Variants in GALNT17 observed in about 807,000 individuals in gnomAD.
GALNT17 encodes the protein UDP-GalNAc:polypeptide N-acetylgalactosaminyltransferase-like 3.
In GALNT17, 29 loss-of-function variants were observed where a neutral mutation model predicts 63.7. The ratio of observed to expected loss-of-function variants is 0.46; its 90% CI spans 0.34 to 0.62. GALNT17 has a LOEUF of 0.62. Ranked by LOEUF, GALNT17 falls within the 20% of genes least tolerant of loss-of-function variation. The probability of loss-of-function intolerance (pLI) is 0.01; values close to 1 mark genes in which losing one functional copy is unlikely to be tolerated. For synonymous variants in GALNT17, 305 were observed against 318.3 expected, an observed-to-expected ratio of 0.96 and a Z score of 0.45; for missense variants, 603 against 799.6, an observed-to-expected ratio of 0.75 and a Z score of 2.97.
intron 3 of GALNT17, among the ~76,000 whole-genome samples, chr7:71,413,291 C>T (rs930294828): frequency 3.9e-5 from 6 of 152,156 alleles, no homozygotes; most frequent in African/African-American, 7.2e-5. Context: ...ACTCTTCCTC[C>T]GTGACCATTT....
At chr7:71,195,899 A>C (rs1034503604) in intron 1 of GALNT17, among the ~76,000 whole-genome samples, 1 of 151,900 alleles carries the variant, frequency 6.6e-6, no homozygotes, top group African/African-American at 2.4e-5. Flanking sequence ...CTATAAGCCA[A>C]TGTTTCTTGA....
intron 5 of GALNT17, among the ~76,000 whole-genome samples, chr7:71,514,880 G>C (rs576409887): frequency 6.6e-6 from 1 of 152,164 alleles, no homozygotes; most frequent in South Asian, 2.1e-4. Flanking sequence ...TAATTCCCAC[G>C]TGTTGTGGGA....
intron 1 of GALNT17, 67 bp from the exon 2 acceptor site, chr7:71,335,483 G>T: frequency 1.4e-6 from 2 of 1,406,772 alleles, no homozygotes; most frequent in South Asian, 1.6e-5. Context: ...AAGCTGCAGC[G>T]GAGATTGAGT....
intron 1 of GALNT17, among the ~76,000 whole-genome samples, chr7:71,205,235 C>A (rs1413778116): frequency 6.7e-6 from 1 of 148,954 alleles, no homozygotes; most frequent in Non-Finnish European, 1.5e-5. Flanking sequence ...CTCATTGCAA[C>A]CCCCACCTCC....
chr7:71,310,045 C>G (rs1223328322), intron 1 of GALNT17, among the ~76,000 whole-genome samples: 1 of 152,198 alleles, frequency 6.6e-6, no homozygotes, highest in Non-Finnish European at 1.5e-5. Context: ...CACAAGCTCT[C>G]TCTTTGCCTG....
chr7:71,311,647 A>ATTC (rs1791416166), intron 1 of GALNT17, among the ~76,000 whole-genome samples: 1 of 152,104 alleles, frequency 6.6e-6, no homozygotes, highest in Non-Finnish European at 1.5e-5. Context: ...CATCTCAGTG[A>ATTC]AGAGTGATGT....
chr7:71,151,364 G>T (rs1317708818), intron 1 of GALNT17, among the ~76,000 whole-genome samples: 1 of 152,170 alleles, frequency 6.6e-6, no homozygotes, highest in African/African-American at 2.4e-5. Context: ...GCTCACGCCT[G>T]TAGTCCCAGC....
intron 1 of GALNT17, among the ~76,000 whole-genome samples, chr7:71,265,083 C>G (rs1308013318): frequency 8.1e-6 from 1 of 122,708 alleles, no homozygotes; most frequent in Non-Finnish European, 1.7e-5. Context: ...AAATACCACA[C>G]GTAACCCATA....
intron 1 of GALNT17, among the ~76,000 whole-genome samples, chr7:71,250,666 G>A (rs372335405): frequency 6.6e-5 from 10 of 152,262 alleles, no homozygotes; most frequent in African/African-American, 2.4e-4. Context: ...ATTTAGTTCA[G>A]AATATAAATT....
intron 2 of GALNT17, among the ~76,000 whole-genome samples, chr7:71,375,997 T>G (rs886577297): frequency 2.6e-5 from 4 of 151,878 alleles, no homozygotes; most frequent in Non-Finnish European, 4.4e-5. Context: ...GATAATCAGT[T>G]GAACCTGGGA....
chr7:71,608,831 T>C (rs564660050), intron 6 of GALNT17, among the ~76,000 whole-genome samples: 3 of 152,178 alleles, frequency 2.0e-5, no homozygotes, highest in Admixed American at 2.0e-4. Context: ...TAGGCTGGAG[T>C]GCACTGGTGC....
rs1788340385 is a variant in GALNT17 at position 71,161,456 on chromosome 7, ATCTTTG to A, written c.238+28422_238+28427del. Reference sequence around the variant, plus strand: ...ACATTTTTAATGTCGCGAAGGAATTATCTTTGTCTTTAATATTTATTACGAATATGC... The same window carrying A: ...ACATTTTTAATGTCGCGAAGGAATTATCTTTAATATTTATTACGAATATGC... On this transcript the variant is annotated intron_variant, in intron 1 of 10. Coordinates refer to ENST00000333538, the MANE Select transcript of GALNT17 (RefSeq NM_022479.3). Among the ~76,000 whole-genome samples the A allele has an allele frequency of 7.9e-5, 12 of 152,252 alleles. No homozygotes were observed. The South Asian group carries it at 2.5e-3, about 32-fold the overall frequency.
At chr7:71,619,914 T>C (rs1227475002) in intron 6 of GALNT17, among the ~76,000 whole-genome samples, 1 of 152,202 alleles carries the variant, frequency 6.6e-6, no homozygotes, top group Non-Finnish European at 1.5e-5. Flanking sequence ...CAGCATGATG[T>C]TGGCTGTGGT....
intron 10 of GALNT17, 98 bp from the exon 11 acceptor site, chr7:71,711,920 T>G: frequency 7.4e-7 from 1 of 1,355,222 alleles, no homozygotes; most frequent in Non-Finnish European, 1.0e-6. Flanking sequence ...TCTTTGTCAT[T>G]TTCTCTCTCC....
chr7:71,308,690 C>A (rs1425612343), intron 1 of GALNT17, among the ~76,000 whole-genome samples: 7 of 151,434 alleles, frequency 4.6e-5, no homozygotes, highest in African/African-American at 1.7e-4. Context: ...TTGGGGAAGA[C>A]AAGCCAGCAA....
chr7:71,318,459 C>T (rs1791542612), intron 1 of GALNT17, among the ~76,000 whole-genome samples: 1 of 127,570 alleles, frequency 7.8e-6, no homozygotes, highest in Non-Finnish European at 1.6e-5. Context: ...CTTGCTTTGT[C>T]ACCAGGCTGG....
intron 3 of GALNT17, among the ~76,000 whole-genome samples, chr7:71,402,129 T>C (rs537818849): frequency 2.0e-5 from 3 of 152,336 alleles, no homozygotes; most frequent in East Asian, 1.9e-4. Flanking sequence ...AGGGTTTTCA[T>C]TGTGAGGTTT....
At chr7:71,467,631 A>G (rs1309139281) in intron 5 of GALNT17, among the ~76,000 whole-genome samples, 1 of 152,148 alleles carries the variant, frequency 6.6e-6, no homozygotes, top group Non-Finnish European at 1.5e-5. Context: ...AATCCTGCTT[A>G]TCTGACCCCT....
rs1563001256 is a variant in GALNT17 at position 71,321,926 on chromosome 7, T to TTC, written c.239-13624_239-13623insTC. 9.4e-3 allele frequency among the ~76,000 whole-genome samples: 374 copies of TTC among 39,658 alleles called. 19 individuals carry two copies. Among genetic ancestry groups the TTC allele is most frequent in the African/African-American group, 0.038 (352 of 9,194 alleles). The allele number at this position is 39,658 out of a possible 152,430, so 26.0% of individuals were successfully genotyped here. ...TCCTTCCTTCCTTCCTTCCTTCCCC[T>TTC]CCCTCCCTCCCTCCCTCCCTTCCTT... On this transcript the variant is annotated intron_variant, in intron 1 of 10. Transcript: ENST00000333538.
Sources: gnomAD v4.1 joint callset for allele counts (sites outside exome capture counted in the v4.1 genomes callset) on GRCh38, gnomAD v4.1.1 for gene constraint, MANE v1.5 for transcripts, NCBI Gene and HGNC (gene_info 2026-07-23, HGNC 2026-07-21) for gene names.